PLEKHM3: variants seen among roughly 807,000 people sequenced by gnomAD.
PLEKHM3 encodes pleckstrin homology domain containing M3.
PLEKHM3 carries 45 observed loss-of-function variants against 81.8 expected under a neutral mutation model. The observed-to-expected ratio is 0.55, with a 90% CI of 0.43 to 0.71. The LOEUF is 0.71. Ranked by LOEUF, PLEKHM3 falls within the 30% of genes least tolerant of loss-of-function variation. The probability of loss-of-function intolerance (pLI) is 0.00; values close to 1 mark genes in which losing one functional copy is unlikely to be tolerated. For missense variants in PLEKHM3, 788 were observed against 924.3 expected (o/e 0.85, Z 1.91); for synonymous variants, 352 against 356.4 (o/e 0.99, Z 0.14).
At chr2:207,905,897 G>C (rs115850855) in intron 6 of PLEKHM3, among the ~76,000 whole-genome samples, 5,711 of 152,138 alleles carry the variant, frequency 0.038, 157 homozygotes, top group South Asian at 0.076. Flanking sequence ...TAAGTAAGCT[G>C]CTTGGCATGT....
chr2:207,910,710 G>A (rs147414190), intron 5 of PLEKHM3, among the ~76,000 whole-genome samples: 284 of 152,200 alleles, frequency 1.9e-3, no homozygotes, highest in Middle Eastern at 6.8e-3. Flanking sequence ...AGTTTAGGCC[G>A]GTAGCAGTAT....
At chr2:207,949,660 T>C (rs1046792506) in intron 3 of PLEKHM3, among the ~76,000 whole-genome samples, 1 of 152,208 alleles carries the variant, frequency 6.6e-6, no homozygotes. Context: ...ACAAATTGAC[T>C]GAACACTAAA....
intron 3 of PLEKHM3, among the ~76,000 whole-genome samples, chr2:207,962,978 G>C (rs935746927): frequency 6.7e-6 from 1 of 150,128 alleles, no homozygotes; most frequent in African/African-American, 2.4e-5. Flanking sequence ...TAATTGGTTT[G>C]CTAAATAGGG....
In PLEKHM3 at chr2:208,001,714, A is replaced by T. The variant is rs1692312629; in HGVS notation, c.-75T>A. On this transcript the variant is annotated 5_prime_UTR_variant, in exon 2 of 8. Coordinates refer to ENST00000427836, the MANE Select transcript of PLEKHM3 (RefSeq NM_001080475.3). Reference sequence around the variant, plus strand: ...CTTCATGAACATTCACCCAACCAAGAGGGGTGCTTCAGCAATAGAGCTATG... The same window carrying T: ...CTTCATGAACATTCACCCAACCAAGTGGGGTGCTTCAGCAATAGAGCTATG... The T allele has an allele frequency of 1.6e-5, 24 of 1,532,838 alleles. No homozygotes were observed. In the South Asian group the frequency reaches 3.0e-4, roughly 19 times the overall value. The allele number at this position is 1,532,838 out of a possible 1,614,324, so 95.0% of individuals were successfully genotyped here.
intron 1 of PLEKHM3, among the ~76,000 whole-genome samples, chr2:208,014,409 C>T (rs1317014960): frequency 1.3e-5 from 2 of 152,246 alleles, no homozygotes; most frequent in Middle Eastern, 3.4e-3. Flanking sequence ...CTTTGGAGGC[C>T]GAGGCGGGCA....
At chr2:207,872,376 T>C (rs1040805987) in intron 6 of PLEKHM3, among the ~76,000 whole-genome samples, 3 of 152,228 alleles carry the variant, frequency 2.0e-5, no homozygotes, top group South Asian at 2.1e-4. Context: ...ATAATACCTC[T>C]AGTCCTTATA....
chr2:207,877,309 T>C (rs956479593), intron 6 of PLEKHM3, among the ~76,000 whole-genome samples: 1 of 152,192 alleles, frequency 6.6e-6, no homozygotes, highest in Non-Finnish European at 1.5e-5. Flanking sequence ...TGTCCTTCTC[T>C]GCACCACCTT....
intron 5 of PLEKHM3, among the ~76,000 whole-genome samples, chr2:207,923,608 A>T (rs1161543566): frequency 6.6e-6 from 1 of 151,730 alleles, no homozygotes; most frequent in East Asian, 1.9e-4. Context: ...ACTCTGTCTC[A>T]CACACACACA....
At chr2:207,933,804 G>A (rs1464219804) in intron 4 of PLEKHM3, among the ~76,000 whole-genome samples, 2 of 152,236 alleles carry the variant, frequency 1.3e-5, no homozygotes, top group East Asian at 3.8e-4. Context: ...GCCTTCACCA[G>A]TTGTTACTAG....
At chr2:207,855,050 T>G (rs2092430655) in intron 7 of PLEKHM3, among the ~76,000 whole-genome samples, 1 of 152,150 alleles carries the variant, frequency 6.6e-6, no homozygotes, top group African/African-American at 2.4e-5. Flanking sequence ...GCTTTAAAAA[T>G]GTATGCAAAA....
chr2:207,954,409 G>A lies in PLEKHM3; in HGVS notation c.1547-7897C>T, dbSNP rs12105901. ...CAAATATTATGTTTGTAAAGTATTA[G>A]TACTGTGCTGAGACACAGTGAATGT... is the stretch of plus-strand genomic sequence containing the variant. On this transcript the variant is annotated intron_variant, in intron 3 of 7. Transcript: ENST00000427836. Among the ~76,000 whole-genome samples the A allele has an allele frequency of 2.0e-3, 307 of 152,264 alleles. 3 individuals are homozygous for A. The highest frequency in any genetic ancestry group is 7.1e-3 in the African/African-American group (295 of 41,554).
intron 7 of PLEKHM3, among the ~76,000 whole-genome samples, chr2:207,858,678 GC>G (rs1268961551): frequency 6.6e-6 from 1 of 151,864 alleles, no homozygotes; most frequent in Non-Finnish European, 1.5e-5. Context: ...ACGAGGTTTT[GC>G]CATGTTGGTC....
At chr2:207,918,854 G>GGGCA (rs1416912636) in intron 5 of PLEKHM3, among the ~76,000 whole-genome samples, 1 of 152,200 alleles carries the variant, frequency 6.6e-6, no homozygotes, top group East Asian at 1.9e-4. Context: ...CTAGCAGAAA[G>GGGCA]GGCAGCGCCA....
chr2:207,928,142 T>G (rs114122729), intron 5 of PLEKHM3, among the ~76,000 whole-genome samples: 2,832 of 152,264 alleles, frequency 0.019, 31 homozygotes, highest in Middle Eastern at 0.054. Context: ...TTTAACAACA[T>G]GTAAGTATAG....
intron 4 of PLEKHM3, among the ~76,000 whole-genome samples, chr2:207,944,462 G>A (rs1690054276): frequency 6.6e-6 from 1 of 152,144 alleles, no homozygotes; most frequent in African/African-American, 2.4e-5. Flanking sequence ...GCTGGAAGGA[G>A]GACAATGAGG....
intron 6 of PLEKHM3, among the ~76,000 whole-genome samples, chr2:207,897,370 A>G (rs1473527138): frequency 1.3e-5 from 2 of 152,196 alleles, no homozygotes; most frequent in Admixed American, 1.3e-4. Context: ...TCCACACCTC[A>G]CAGCAACACT....
intron 7 of PLEKHM3, among the ~76,000 whole-genome samples, chr2:207,857,998 GT>G (rs1336751908): frequency 6.6e-6 from 1 of 150,778 alleles, no homozygotes; most frequent in African/African-American, 2.4e-5. Flanking sequence ...TACTTTAGCT[GT>G]TTTTTTATAT....
At chr2:208,024,862 G>A in intron 1 of PLEKHM3, among the ~76,000 whole-genome samples, 1 of 152,202 alleles carries the variant, frequency 6.6e-6, no homozygotes, top group Non-Finnish European at 1.5e-5. Flanking sequence ...TATCTCAGTA[G>A]TAATTTATTT....
At chr2:207,937,470 T>G (rs1689793986) in intron 4 of PLEKHM3, among the ~76,000 whole-genome samples, 2 of 151,482 alleles carry the variant, frequency 1.3e-5, no homozygotes, top group Non-Finnish European at 2.9e-5. Flanking sequence ...CTCAGGAGGC[T>G]GGGGTGGGAG....
Sources: allele counts gnomAD v4.1 joint callset (sites outside exome capture counted in the v4.1 genomes callset), GRCh38; gene constraint gnomAD v4.1.1; transcripts MANE v1.5; gene names NCBI Gene and HGNC (gene_info 2026-07-23, HGNC 2026-07-21).